The following NRG3 variants were observed in gnomAD, a reference collection of about 807,000 sequenced individuals.
NRG3 encodes pro-neuregulin-3, membrane-bound isoform.
Under a neutral mutation model 66.9 loss-of-function variants are expected in NRG3, and 31 were observed. The ratio of observed to expected loss-of-function variants is 0.46; its 90% confidence interval spans 0.35 to 0.63. NRG3 has a LOEUF of 0.63. NRG3 is among the 20% of genes least tolerant of loss of function. The probability of loss-of-function intolerance (pLI) is 0.00; values close to 1 mark genes in which losing one functional copy is unlikely to be tolerated. For missense variants in NRG3, 910 were observed against 878.9 expected (o/e 1.04, Z -0.45); for synonymous variants, 393 against 359.4 (o/e 1.09, Z -1.06).
Position 82,718,801 on chromosome 10 carries a change from T to C in NRG3, c.954-19776T>C, listed in dbSNP as rs150809826. 4.2e-4 allele frequency among the ~76,000 whole-genome samples: 64 copies of C among 152,324 alleles called. No homozygotes were observed. The East Asian group carries it at 0.012, about 28-fold the overall frequency. On this transcript the variant is annotated intron_variant, in intron 2 of 8. Coordinates refer to ENST00000372141, the MANE Select transcript of NRG3 (RefSeq NM_001010848.4). ...TCACTTCTTATTTACTTCTGACAAA[T>C]GATTTTTTTCTAAAGTACTAATTAT...
intron 1 of NRG3, among the ~76,000 whole-genome samples, chr10:81,977,163 G>A (rs2060154824): frequency 1.3e-5 from 2 of 152,132 alleles, no homozygotes; most frequent in Admixed American, 6.5e-5. Context: ...GCAGCCTCTG[G>A]TGACTTCCCA....
intron 2 of NRG3, among the ~76,000 whole-genome samples, chr10:82,539,479 G>T (rs1329631826): frequency 6.6e-6 from 1 of 152,118 alleles, no homozygotes; most frequent in Non-Finnish European, 1.5e-5. Flanking sequence ...TGTCTACTGT[G>T]CCAGGGACAT....
At chr10:81,974,865 T>C (rs982226164) in intron 1 of NRG3, among the ~76,000 whole-genome samples, 2 of 152,112 alleles carry the variant, frequency 1.3e-5, no homozygotes, top group Admixed American at 1.3e-4. Flanking sequence ...ACATTATGTA[T>C]AAGGAAGCTA....
chr10:82,693,954 CTGCTGATTTGTCCATTTTACAGAG>C (rs1297152269), intron 2 of NRG3, among the ~76,000 whole-genome samples: 89 of 152,332 alleles, frequency 5.8e-4, no homozygotes, highest in Middle Eastern at 3.4e-3. Context: ...CGCCCATGTC[CTGCTGATTTGTCCATTTTACAGAG>C]TGCTGATTTG....
At position 82,578,419 on chromosome 10, in the gene NRG3, C is replaced by G. The variant is rs140798726; in HGVS notation, c.954-160158C>G. ...GAAAGCTATATGGTTTCTGTGCGGA[C>G]TACTTGGCAATAAGTAAACAAATAA... On this transcript the variant is annotated intron_variant, in intron 2 of 8. Transcript: ENST00000372141. 4.5e-3 allele frequency among the ~76,000 whole-genome samples: 680 copies of G among 150,854 alleles called. 9 individuals are homozygous for G. The highest frequency in any genetic ancestry group is 0.016 in the African/African-American group (646 of 41,252).
intron 1 of NRG3, among the ~76,000 whole-genome samples, chr10:82,318,612 C>T (rs2081410661): frequency 6.6e-6 from 1 of 152,192 alleles, no homozygotes; most frequent in Non-Finnish European, 1.5e-5. Flanking sequence ...GTGGTCCACA[C>T]AACTTTCATC....
At chr10:82,602,032 A>C (rs1257196848) in intron 2 of NRG3, among the ~76,000 whole-genome samples, 2 of 151,322 alleles carry the variant, frequency 1.3e-5, no homozygotes, top group Non-Finnish European at 2.9e-5. Context: ...GCAGTGAGCT[A>C]TGATCATGCC....
chr10:82,671,105 A>T (rs1275683545), intron 2 of NRG3, among the ~76,000 whole-genome samples: 1 of 152,210 alleles, frequency 6.6e-6, no homozygotes, highest in Non-Finnish European at 1.5e-5. Context: ...TTGCCAGTCC[A>T]TGCACATAGC....
intron 2 of NRG3, among the ~76,000 whole-genome samples, chr10:82,408,058 A>AGAGAGAGAGC (rs879696275): frequency 0.05 from 5,954 of 119,858 alleles, 508 homozygotes; most frequent in African/African-American, 0.088. Flanking sequence ...AGAGAGAGAG[A>AGAGAGAGAGC]GAGAGAGAGA....
At chr10:82,473,647 A>C (rs1841484414) in intron 2 of NRG3, among the ~76,000 whole-genome samples, 1 of 152,180 alleles carries the variant, frequency 6.6e-6, no homozygotes, top group Admixed American at 6.5e-5. Context: ...TTGCCTTCCC[A>C]GTGTCGTTCA....
rs543849344 is a variant in NRG3 at position 82,512,714 on chromosome 10, T to A, written c.953+153846T>A. Among the ~76,000 whole-genome samples, 340 of 152,334 alleles carry A rather than the reference T, an allele frequency of 2.2e-3. 2 individuals carry two copies. The highest frequency in any genetic ancestry group is 3.8e-3 in the Non-Finnish European group (258 of 68,040). ...CCGCCAGAGTGAATTTTCGGTAGAT[T>A]TTTTTCCTTGCTTCTCTTTTTAGCT... On this transcript the variant is annotated intron_variant, in intron 2 of 8. Transcript: ENST00000372141.
chr10:82,799,684 G>T (rs2060954028), intron 3 of NRG3: 1 of 152,160 alleles, frequency 6.6e-6, no homozygotes, highest in South Asian at 2.1e-4. Flanking sequence ...GCCCAATGGT[G>T]AACTCTAGAA....
intron 6 of NRG3, 129 bp downstream of exon 6, chr10:82,959,204 T>A: frequency 9.3e-7 from 1 of 1,076,064 alleles, no homozygotes; most frequent in Non-Finnish European, 1.3e-6. Flanking sequence ...TAAATCGTTT[T>A]AACAGTTCTG....
At chr10:82,175,340 C>T (rs916113736) in intron 1 of NRG3, among the ~76,000 whole-genome samples, 1 of 152,132 alleles carries the variant, frequency 6.6e-6, no homozygotes, top group African/African-American at 2.4e-5. Context: ...TTTAAAGGCT[C>T]AAGAGTGCCC....
intron 3 of NRG3, among the ~76,000 whole-genome samples, chr10:82,799,299 G>A (rs111238039): frequency 0.031 from 4,768 of 152,038 alleles, 146 homozygotes; most frequent in East Asian, 0.16. Context: ...AGGCCAAGGC[G>A]GGCGGATCAC....
At chr10:82,676,841 T>C (rs2053725303) in intron 2 of NRG3, among the ~76,000 whole-genome samples, 1 of 152,078 alleles carries the variant, frequency 6.6e-6, no homozygotes, top group Non-Finnish European at 1.5e-5. Flanking sequence ...TGAACGTTTT[T>C]TTTTCTATTG....
chr10:82,676,774 G>A (rs1412854972), intron 2 of NRG3, among the ~76,000 whole-genome samples: 5 of 151,956 alleles, frequency 3.3e-5, no homozygotes, highest in Non-Finnish European at 4.4e-5. Context: ...GAGCCATGGC[G>A]CCCAGCCTCT....
intron 3 of NRG3, among the ~76,000 whole-genome samples, chr10:82,744,312 A>G (rs2058552885): frequency 6.6e-6 from 1 of 152,186 alleles, no homozygotes; most frequent in South Asian, 2.1e-4. Context: ...AACAACAGAA[A>G]TTTATTTCTC....
chr10:81,951,035 G>GA (rs1359244423), intron 1 of NRG3, among the ~76,000 whole-genome samples: 1 of 152,086 alleles, frequency 6.6e-6, no homozygotes, highest in Admixed American at 6.6e-5. Context: ...ATCTGGATTT[G>GA]ACCATTGGAG....
Sources: gnomAD v4.1 joint callset for allele counts (sites outside exome capture counted in the v4.1 genomes callset) on GRCh38, gnomAD v4.1.1 for gene constraint, MANE v1.5 for transcripts, NCBI Gene and HGNC (gene_info 2026-07-23, HGNC 2026-07-21) for gene names.